The following ST8SIA6 variants were observed in gnomAD, a reference collection of about 807,000 sequenced individuals.
ST8SIA6 encodes alpha-2,8-sialyltransferase 8F.
In ST8SIA6, 39 loss-of-function variants were observed where a neutral mutation model predicts 33.6. That is an observed-to-expected ratio of 1.16 (90% confidence interval 0.90 to 1.52). ST8SIA6 has a LOEUF of 1.52. ST8SIA6 is among the 40% of genes most tolerant of loss of function. The pLI, the probability that ST8SIA6 is intolerant of heterozygous loss-of-function variation, is 0.00. For synonymous variants in ST8SIA6, 172 were observed against 167.2 expected, an observed-to-expected ratio of 1.03 and a Z score of -0.22; for missense variants, 441 against 443.8, an observed-to-expected ratio of 0.99 and a Z score of 0.06.
intron 2 of ST8SIA6, among the ~76,000 whole-genome samples, chr10:17,398,275 C>T (rs369764821): frequency 6.6e-5 from 10 of 151,484 alleles, no homozygotes; most frequent in African/African-American, 2.2e-4. Flanking sequence ...TGCAGTGAGC[C>T]GAGATTGCAC....
At chr10:17,389,808 A>T (rs1213618900) in intron 3 of ST8SIA6, among the ~76,000 whole-genome samples, 5 of 152,090 alleles carry the variant, frequency 3.3e-5, no homozygotes. Context: ...GTATAACTAC[A>T]TGGTGTTTTG....
intron 2 of ST8SIA6, among the ~76,000 whole-genome samples, chr10:17,400,392 C>T (rs1850991668): frequency 6.6e-6 from 1 of 152,100 alleles, no homozygotes; most frequent in Admixed American, 6.5e-5. Context: ...CTTAGCCAGG[C>T]GTGGTGGCAC....
chr10:17,433,211 T>G (rs1852154746), intron 2 of ST8SIA6, among the ~76,000 whole-genome samples: 1 of 152,194 alleles, frequency 6.6e-6, no homozygotes, highest in Admixed American at 6.5e-5. Context: ...AACCTGTACC[T>G]TTCCTCAACA....
At chr10:17,337,143 C>G (rs1165803322) in intron 4 of ST8SIA6, among the ~76,000 whole-genome samples, 8 of 133,236 alleles carry the variant, frequency 6.0e-5, no homozygotes, top group Non-Finnish European at 1.3e-4. Context: ...GAAGCACCTC[C>G]CCTTCTCTCT....
At chr10:17,359,095 A>C (rs1241849924) in intron 4 of ST8SIA6, among the ~76,000 whole-genome samples, 1 of 152,222 alleles carries the variant, frequency 6.6e-6, no homozygotes, top group Non-Finnish European at 1.5e-5. Context: ...TTGTGTTAAA[A>C]AGTGAATGAG....
intron 3 of ST8SIA6, among the ~76,000 whole-genome samples, chr10:17,372,957 C>T (rs186343741): frequency 8.0e-4 from 121 of 152,198 alleles, no homozygotes; most frequent in African/African-American, 2.8e-3. Context: ...AAAATAGATG[C>T]CCTTTTATGA....
intron 3 of ST8SIA6, among the ~76,000 whole-genome samples, chr10:17,385,294 C>A (rs1850292694): frequency 6.6e-6 from 1 of 152,208 alleles, no homozygotes; most frequent in Non-Finnish European, 1.5e-5. Flanking sequence ...GTTCCCCCCA[C>A]ACTTCGAGTC....
intron 2 of ST8SIA6, among the ~76,000 whole-genome samples, chr10:17,419,553 AAAC>A (rs1851713537): frequency 2.0e-5 from 3 of 152,112 alleles, no homozygotes. Context: ...AAAAACAAAA[AAAC>A]AAAAAAAATA....
At chr10:17,422,022 A>T (rs1452163112) in intron 2 of ST8SIA6, among the ~76,000 whole-genome samples, 1 of 151,800 alleles carries the variant, frequency 6.6e-6, no homozygotes, top group Non-Finnish European at 1.5e-5. Flanking sequence ...GATTTTATTT[A>T]TTATAATATA....
At chr10:17,325,085 A>C (rs999953784) in intron 6 of ST8SIA6, among the ~76,000 whole-genome samples, 4 of 141,562 alleles carry the variant, frequency 2.8e-5, no homozygotes, top group African/African-American at 1.0e-4. Flanking sequence ...ATTACATATA[A>C]TACTGTTATA....
Position 17,366,082 on chromosome 10 carries a change from A to G in ST8SIA6, c.291-6482T>C, listed in dbSNP as rs544701744. ...ACTGGGTAATACTCTTTAAAGGAAT[A>G]GCTAATGAGTGTATGAAAGCCAAAC... is the stretch of plus-strand genomic sequence containing the variant. On this transcript the variant is annotated intron_variant, in intron 3 of 7. Coordinates refer to ENST00000377602, the MANE Select transcript of ST8SIA6 (RefSeq NM_001004470.3). 2.0e-5 allele frequency among the ~76,000 whole-genome samples: 3 copies of G among 152,326 alleles called. No homozygotes were observed. In the East Asian group the frequency reaches 5.8e-4, roughly 29 times the overall value.
At chr10:17,420,236 C>A (rs1851737608) in intron 2 of ST8SIA6, among the ~76,000 whole-genome samples, 1 of 152,038 alleles carries the variant, frequency 6.6e-6, no homozygotes, top group African/African-American at 2.4e-5. Flanking sequence ...CACGGGGAAA[C>A]CCCGTCTCTA....
Position 17,357,228 on chromosome 10 carries a change from C to T in ST8SIA6, c.377+2286G>A, listed in dbSNP as rs1463323204. ...GCAACCTCTGCCTCCTGAGTTCAAGCGATTCTCCTGCCTCAGCCTCCTGAG... is the reference window on the plus strand; with the variant it reads ...GCAACCTCTGCCTCCTGAGTTCAAGTGATTCTCCTGCCTCAGCCTCCTGAG... On this transcript the variant is annotated intron_variant, in intron 4 of 7. Coordinates refer to ENST00000377602, the MANE Select transcript of ST8SIA6 (RefSeq NM_001004470.3). Among the ~76,000 whole-genome samples the T allele has an allele frequency of 4.6e-5, 7 of 151,800 alleles. No individual in the cohort carries two copies. In the East Asian group the frequency reaches 5.9e-4, roughly 13 times the overall value.
rs762812881 is a variant in ST8SIA6 at position 17,437,669 on chromosome 10, CTCTCTT to C, written c.200+15884_200+15889del. On this transcript the variant is annotated intron_variant, in intron 2 of 7. Coordinates refer to ENST00000377602, the MANE Select transcript of ST8SIA6 (RefSeq NM_001004470.3). ...TCCTTCCTTCCTTCCTTCCTTCTGTCTCTCTTTCTCTTTCTCTTTCTCCCTTCCCTT... is the reference window on the plus strand; with the variant it reads ...TCCTTCCTTCCTTCCTTCCTTCTGTCTCTCTTTCTCTTTCTCCCTTCCCTT... 2.9e-4 allele frequency among the ~76,000 whole-genome samples: 43 copies of C among 148,956 alleles called. No individual in the cohort carries two copies. In the South Asian group the frequency reaches 8.0e-3, roughly 28 times the overall value.
intron 3 of ST8SIA6, among the ~76,000 whole-genome samples, chr10:17,370,934 A>G (rs1378501378): frequency 6.6e-6 from 1 of 152,160 alleles, no homozygotes; most frequent in African/African-American, 2.4e-5. Context: ...AATAGTCCTT[A>G]AGAGAGCAAG....
chr10:17,336,043 T>C (rs937150879), intron 4 of ST8SIA6, among the ~76,000 whole-genome samples: 39 of 151,674 alleles, frequency 2.6e-4, no homozygotes, highest in Admixed American at 4.6e-4. Flanking sequence ...GCAACCTCCA[T>C]CTCCTGGGTT....
intron 4 of ST8SIA6, among the ~76,000 whole-genome samples, chr10:17,335,626 A>T (rs376820708): frequency 2.0e-5 from 3 of 152,306 alleles, no homozygotes; most frequent in African/African-American, 7.2e-5. Context: ...CCTACCATTC[A>T]AAAAAGATGG....
chr10:17,358,009 A>C (rs376889589), intron 4 of ST8SIA6, among the ~76,000 whole-genome samples: 1 of 152,164 alleles, frequency 6.6e-6, no homozygotes, highest in African/African-American at 2.4e-5. Flanking sequence ...GGACCTCTCA[A>C]ATCCAGTCTC....
chr10:17,414,393 A>C (rs542488660), intron 2 of ST8SIA6, among the ~76,000 whole-genome samples: 22 of 152,282 alleles, frequency 1.4e-4, no homozygotes, highest in African/African-American at 5.1e-4. Flanking sequence ...TCTGCTGCTG[A>C]TGACCTCACT....
Sources: gnomAD v4.1 joint callset for allele counts (sites outside exome capture counted in the v4.1 genomes callset) on GRCh38, gnomAD v4.1.1 for gene constraint, MANE v1.5 for transcripts, NCBI Gene and HGNC (gene_info 2026-07-23, HGNC 2026-07-21) for gene names.